Variants in GNPDA2 observed in about 807,000 individuals in gnomAD.
GNPDA2 encodes glucosamine-6-phosphate deaminase 2, also known as glcN6P deaminase 2.
A neutral mutation model predicts 27.0 loss-of-function variants in GNPDA2; 24 were observed. The observed-to-expected ratio is 0.89, with a 90% CI of 0.64 to 1.25. The LOEUF is 1.25. Ranked by LOEUF, GNPDA2 falls within the 50% of genes most tolerant of loss-of-function variation. The pLI is 0.00. For missense variants in GNPDA2, 286 were observed against 335.1 expected (o/e 0.85, Z 1.14); for synonymous variants, 94 against 108.4 (o/e 0.87, Z 0.83).
intron 6 of GNPDA2, chr4:44,705,139 G>A (rs189745039): frequency 3.3e-4 from 328 of 984,838 alleles, no homozygotes; most frequent in Admixed American, 1.0e-3. Flanking sequence ...ACTTTTTAGT[G>A]ATGACAGAAG....
At chr4:44,718,260 C>T in intron 3 of GNPDA2, 49 bp downstream of exon 3, 1 of 710,332 alleles carries the variant, frequency 1.4e-6, no homozygotes, top group Non-Finnish European at 2.3e-6. Context: ...CATTTTATTC[C>T]AAATATAACA....
intron 6 of GNPDA2, chr4:44,703,861 G>A: frequency 1.0e-6 from 1 of 984,748 alleles, no homozygotes; most frequent in Non-Finnish European, 1.2e-6. Flanking sequence ...TTTCTTTGGG[G>A]AGAAAAAAGT....
At chr4:44,723,475 T>C (rs1694813165) in intron 1 of GNPDA2, among the ~76,000 whole-genome samples, 1 of 152,178 alleles carries the variant, frequency 6.6e-6, no homozygotes, top group South Asian at 2.1e-4. Flanking sequence ...TAACTCCCAC[T>C]TGTAAGTGAG....
Position 44,703,054 on chromosome 4 carries a change from T to A in GNPDA2, c.*27A>T. 1 of 1,610,132 alleles carries A rather than the reference T, an allele frequency of 6.2e-7. No individual in the cohort carries two copies. The highest frequency in any genetic ancestry group is 8.5e-7 in the Non-Finnish European group (1 of 1,178,558). On this transcript the variant is annotated 3_prime_UTR_variant, in exon 7 of 7. Transcript: ENST00000295448. The stretch of plus-strand genomic sequence containing the variant: ...ACTTAGTAAAAAGTGCTCTGTTCAT[T>A]CAAGCTGAATTTTGCTCCAGTCTCC...
intron 5 of GNPDA2, among the ~76,000 whole-genome samples, chr4:44,708,541 T>C (rs1236873459): frequency 6.6e-6 from 1 of 151,838 alleles, no homozygotes; most frequent in African/African-American, 2.4e-5. Context: ...ATGACTGATA[T>C]TACCCTTATA....
intron 4 of GNPDA2, chr4:44,714,447 A>G: frequency 9.1e-6 from 9 of 985,298 alleles, no homozygotes; most frequent in Non-Finnish European, 1.1e-5. Flanking sequence ...CTCAGAGGAA[A>G]GGGACCTCTG....
At chr4:44,703,344 A>G in intron 6 of GNPDA2, 1 of 1,355,834 alleles carries the variant, frequency 7.4e-7, no homozygotes, top group South Asian at 1.8e-5. Flanking sequence ...CCAATTTATA[A>G]TTATGTAACA....
At chr4:44,711,279 G>T in intron 4 of GNPDA2, 142 bp from the exon 5 acceptor site, 1 of 494,462 alleles carries the variant, frequency 2.0e-6, no homozygotes, top group Non-Finnish European at 3.4e-6. Flanking sequence ...ATTTGTTTCT[G>T]TATTGATTCA....
At chr4:44,706,830 T>G (rs1716636588) in intron 6 of GNPDA2, 1 of 152,006 alleles carries the variant, frequency 6.6e-6, no homozygotes, top group Non-Finnish European at 1.5e-5. Flanking sequence ...TATTTTCCAA[T>G]AGGCATTAAA....
At chr4:44,706,107 G>A (rs1182410946) in intron 6 of GNPDA2, 2 of 151,836 alleles carry the variant, frequency 1.3e-5, no homozygotes, top group East Asian at 3.9e-4. Context: ...TGTGGATAGT[G>A]AGGATTCCTT....
intron 5 of GNPDA2, among the ~76,000 whole-genome samples, chr4:44,708,544 C>CCCTT: frequency 6.6e-6 from 1 of 152,068 alleles, no homozygotes; most frequent in Middle Eastern, 3.4e-3. Context: ...ACTGATATTA[C>CCCTT]CCTTATAAGC....
Position 44,717,140 on chromosome 4 carries a change from C to T in GNPDA2, c.382G>A (p.Ala128Thr), listed in dbSNP as rs1056418929. Residue 128 changes from alanine to threonine, a missense_variant, in exon 4 of 7, where the codon GCT becomes ACT. By Grantham distance (58) the Ala-to-Thr change is moderately conservative (BLOSUM62 0). Transcript: ENST00000295448. ...CDAFENKIKE[A>T]GGIDLFVGGI... The stretch of plus-strand genomic sequence containing the variant: ...CCAACAAAAAGATCTATTCCTCCAG[C>T]TTCTTTTATTTTGTTTTCAAAAGCA... 1 of 1,607,874 alleles carries T rather than the reference C, an allele frequency of 6.2e-7. No homozygotes were observed. Among genetic ancestry groups the T allele is most frequent in the Non-Finnish European group, 8.5e-7 (1 of 1,177,450 alleles).
chr4:44,711,539 G>GT (rs1322672880), intron 4 of GNPDA2, among the ~76,000 whole-genome samples: 3 of 152,152 alleles, frequency 2.0e-5, no homozygotes, highest in African/African-American at 7.2e-5. Flanking sequence ...AGAAAAATAA[G>GT]TGACTTGTTC....
chr4:44,720,663 T>A (rs1399694266), intron 2 of GNPDA2, among the ~76,000 whole-genome samples: 1 of 152,154 alleles, frequency 6.6e-6, no homozygotes, highest in Non-Finnish European at 1.5e-5. Context: ...CCGACATGTA[T>A]GTTCAAGTCT....
In GNPDA2 at chr4:44,702,420, TAAATAA is replaced by T. The variant is rs1270999625; in HGVS notation, c.*655_*660del. 2.6e-5 allele frequency: 25 copies of T among 975,634 alleles called. No homozygotes were observed. Among genetic ancestry groups the T allele is most frequent in the East Asian group, 1.1e-4 (1 of 8,766 alleles). The allele number at this position is 975,634 out of a possible 1,614,324, so 60.4% of individuals were successfully genotyped here. A position where few individuals can be genotyped will look rare whatever the true frequency, so the allele number is the denominator to read the frequency against. On this transcript the variant is annotated 3_prime_UTR_variant, in exon 7 of 7. Transcript: ENST00000295448. ...TATTAGGGACATGAACCCAAGTCGT[TAAATAA>T]AAATAAGATATTTGTAAAAAAGTGC...
chr4:44,718,873 A>C (rs1240275302), intron 2 of GNPDA2, among the ~76,000 whole-genome samples: 1 of 151,972 alleles, frequency 6.6e-6, no homozygotes, highest in African/African-American at 2.4e-5. Flanking sequence ...TCCAACTGGC[A>C]AACACTGAGT....
chr4:44,725,517 T>C (rs1717954930), intron 1 of GNPDA2, among the ~76,000 whole-genome samples: 1 of 152,176 alleles, frequency 6.6e-6, no homozygotes, highest in African/African-American at 2.4e-5. Flanking sequence ...GTGAAATTTG[T>C]TAAGAACACC....
rs1037797986 is a variant in GNPDA2 at position 44,702,008 on chromosome 4, C to A, written c.*1073G>T. On this transcript the variant is annotated 3_prime_UTR_variant, in exon 7 of 7. Transcript: ENST00000295448. ...TAAGCAAAAGGAGCATTTTTTTGCT[C>A]CCCACAGAGGCAAAGACATCTTTTA... 2.0e-6 allele frequency: 2 copies of A among 985,008 alleles called. No individual in the cohort carries two copies. Among genetic ancestry groups the A allele is most frequent in the Non-Finnish European group, 2.4e-6 (2 of 829,622 alleles). The allele number at this position is 985,008 out of a possible 1,614,324, so 61.0% of individuals were successfully genotyped here.
chr4:44,704,080 T>G (rs2109688703), intron 6 of GNPDA2: 1 of 985,232 alleles, frequency 1.0e-6, no homozygotes, highest in South Asian at 4.7e-5. Context: ...AAAAGGACTC[T>G]AAAATCCCAG....
Sources: allele counts gnomAD v4.1 joint callset (sites outside exome capture counted in the v4.1 genomes callset), GRCh38; gene constraint gnomAD v4.1.1; transcripts MANE v1.5; gene names NCBI Gene and HGNC (gene_info 2026-07-23, HGNC 2026-07-21).